LYN: variants seen among roughly 807,000 people sequenced by gnomAD.
LYN encodes tyrosine-protein kinase Lyn.
In LYN, 12 loss-of-function variants were observed where a neutral mutation model predicts 65.0. The ratio of observed to expected loss-of-function variants is 0.18; its 90% CI spans 0.12 to 0.30. LYN has a LOEUF of 0.30. Among genes scored for constraint, LYN ranks in the 10% least tolerant of loss-of-function variants. LYN has a pLI of 1.00. For missense variants in LYN, 380 were observed against 623.2 expected, an observed-to-expected ratio of 0.61 and a Z score of 4.16; for synonymous variants, 222 against 221.2, an observed-to-expected ratio of 1.00 and a Z score of -0.03.
chr8:55,952,558 T>C (rs1383829099), intron 7 of LYN, among the ~76,000 whole-genome samples: 5 of 152,184 alleles, frequency 3.3e-5, no homozygotes, highest in Non-Finnish European at 7.3e-5. Context: ...AGACTCTGTC[T>C]CAAAAAACAA....
chr8:55,915,139 T>A (rs967449194), intron 1 of LYN, among the ~76,000 whole-genome samples: 29 of 152,212 alleles, frequency 1.9e-4, no homozygotes, highest in Non-Finnish European at 7.3e-5. Flanking sequence ...TTTGAAAATC[T>A]CTTTTATTTC....
At chr8:55,943,853 C>G (rs1806697961) in intron 2 of LYN, among the ~76,000 whole-genome samples, 1 of 152,064 alleles carries the variant, frequency 6.6e-6, no homozygotes, top group South Asian at 2.1e-4. Flanking sequence ...GAGGCCGAGG[C>G]AGGTGCATCA....
At chr8:55,987,703 A>T (rs770042280) in intron 10 of LYN, among the ~76,000 whole-genome samples, 40 of 152,270 alleles carry the variant, frequency 2.6e-4, no homozygotes, top group Admixed American at 5.2e-4. Context: ...GGCATGAGCC[A>T]CCATGGCTGG....
intron 1 of LYN, among the ~76,000 whole-genome samples, chr8:55,905,405 G>T (rs571327545): frequency 2.5e-5 from 1 of 39,340 alleles, no homozygotes; most frequent in Non-Finnish European, 4.6e-5. Flanking sequence ...GTGAAACTCC[G>T]TCTCAAAAAA....
chr8:55,926,650 C>T (rs1286446079), intron 1 of LYN, among the ~76,000 whole-genome samples: 3 of 152,038 alleles, frequency 2.0e-5, no homozygotes, highest in Non-Finnish European at 4.4e-5. Context: ...AACGGCCTGC[C>T]CTTGATAATT....
chr8:55,994,558 G>A (rs1026469664), intron 10 of LYN, among the ~76,000 whole-genome samples: 40 of 152,132 alleles, frequency 2.6e-4, no homozygotes, highest in African/African-American at 9.2e-4. Context: ...TGATCATCAC[G>A]TGTGTCCTTG....
chr8:55,998,112 G>C lies in LYN; in HGVS notation c.1051-234G>C, dbSNP rs73590367. On this transcript the variant is annotated intron_variant, in intron 10 of 12. Coordinates refer to ENST00000519728, the MANE Select transcript of LYN (RefSeq NM_002350.4). Reference sequence around the variant, plus strand: ...AAAAAAAAAGAAAATGTTAAGACATGTTCCTTTTTTTTTTTTTAAGATGAC... The same window carrying C: ...AAAAAAAAAGAAAATGTTAAGACATCTTCCTTTTTTTTTTTTTAAGATGAC... 2.7e-3 allele frequency among the ~76,000 whole-genome samples: 408 copies of C among 151,758 alleles called. 2 individuals are homozygous for C. Among genetic ancestry groups the C allele is most frequent in the African/African-American group, 9.0e-3 (372 of 41,410 alleles).
Position 56,010,277 on chromosome 8 carries a change from G to T in LYN, c.*167G>T. Reference sequence around the variant, plus strand: ...GGAAGAACACCCTCTAAATGGGAAAGTATTCTGTACTCTTAGATGGATTCT... The same window carrying T: ...GGAAGAACACCCTCTAAATGGGAAATTATTCTGTACTCTTAGATGGATTCT... On this transcript the variant is annotated 3_prime_UTR_variant, in exon 13 of 13. Coordinates refer to ENST00000519728, the MANE Select transcript of LYN (RefSeq NM_002350.4). 1 of 646,520 alleles carries T rather than the reference G, an allele frequency of 1.5e-6. No homozygotes were observed. The allele number at this position is 646,520 out of a possible 1,614,324, so 40.0% of individuals were successfully genotyped here.
chr8:55,911,979 G>A lies in LYN; in HGVS notation c.-5-29876G>A, dbSNP rs77932004. ...TTTGATTCTGAGTGAGCTCAATATC[G>A]TCGTGGTGTGTTCTACCACGTCCCT... On this transcript the variant is annotated intron_variant, in intron 1 of 12. Transcript: ENST00000519728. 4.7e-3 allele frequency among the ~76,000 whole-genome samples: 722 copies of A among 152,190 alleles called. 7 individuals carry two copies. The highest frequency in any genetic ancestry group is 0.016 in the African/African-American group (666 of 41,498).
intron 2 of LYN, among the ~76,000 whole-genome samples, chr8:55,943,929 A>G (rs1449059027): frequency 6.6e-6 from 1 of 152,074 alleles, no homozygotes; most frequent in East Asian, 1.9e-4. Context: ...CTAAAAATAC[A>G]AAAATTAGCT....
chr8:55,996,224 T>A (rs1808369749), intron 10 of LYN, among the ~76,000 whole-genome samples: 1 of 151,340 alleles, frequency 6.6e-6, no homozygotes, highest in Non-Finnish European at 1.5e-5. Flanking sequence ...CTAGGGTGAG[T>A]AAAGGGGAGT....
intron 1 of LYN, among the ~76,000 whole-genome samples, chr8:55,904,643 G>C (rs1025592002): frequency 6.6e-6 from 1 of 152,090 alleles, no homozygotes; most frequent in Admixed American, 6.5e-5. Flanking sequence ...CCAGCTACTC[G>C]GGAGGCTGAG....
intron 1 of LYN, among the ~76,000 whole-genome samples, chr8:55,910,504 G>A (rs1172462746): frequency 6.6e-6 from 1 of 152,076 alleles, no homozygotes; most frequent in African/African-American, 2.4e-5. Flanking sequence ...CCATTGATCT[G>A]TGTATCTATT....
chr8:55,895,246 A>G (rs1805061718), intron 1 of LYN, among the ~76,000 whole-genome samples: 1 of 152,132 alleles, frequency 6.6e-6, no homozygotes, highest in East Asian at 1.9e-4. Context: ...AATCCTGAGA[A>G]TGGAGGGAAT....
At chr8:55,922,937 A>G (rs1168450070) in intron 1 of LYN, among the ~76,000 whole-genome samples, 1 of 152,196 alleles carries the variant, frequency 6.6e-6, no homozygotes, top group Non-Finnish European at 1.5e-5. Flanking sequence ...TAGAGAAAGG[A>G]GACCAATATA....
intron 1 of LYN, among the ~76,000 whole-genome samples, chr8:55,887,575 T>TATACAC (rs1554573193): frequency 1.4e-3 from 131 of 93,460 alleles, no homozygotes; most frequent in East Asian, 4.0e-3. Flanking sequence ...TATATATATA[T>TATACAC]ACACACACAC....
chr8:55,950,274 G>A (rs1464871484), intron 4 of LYN, among the ~76,000 whole-genome samples, 185 bp from the exon 5 acceptor site: 1 of 151,924 alleles, frequency 6.6e-6, no homozygotes, highest in African/African-American at 2.4e-5. Context: ...ATCTTTCTTG[G>A]GTATATGTCA....
chr8:55,968,144 A>G (rs901070409), intron 9 of LYN, among the ~76,000 whole-genome samples: 10 of 152,222 alleles, frequency 6.6e-5, no homozygotes, highest in African/African-American at 2.4e-4. Flanking sequence ...AACCAGGCTC[A>G]GGGCCAGACA....
chr8:55,944,166 A>G (rs563694501), intron 2 of LYN, among the ~76,000 whole-genome samples: 2 of 152,310 alleles, frequency 1.3e-5, no homozygotes, highest in Non-Finnish European at 2.9e-5. Context: ...ATAAATTAAC[A>G]TTGTAATTTT....
Sources: gnomAD v4.1 joint callset for allele counts (sites outside exome capture counted in the v4.1 genomes callset) on GRCh38, gnomAD v4.1.1 for gene constraint, MANE v1.5 for transcripts, NCBI Gene and HGNC (gene_info 2026-07-23, HGNC 2026-07-21) for gene names.